MYO7B: variants seen among roughly 807,000 people sequenced by gnomAD.
MYO7B encodes the protein unconventional myosin-VIIb.
In MYO7B, 212 loss-of-function variants were observed where a neutral mutation model predicts 259.7. The observed-to-expected ratio is 0.82, with a 90% CI of 0.73 to 0.91. The LOEUF (loss-of-function observed/expected upper bound fraction) is 0.91. Among genes scored for constraint, MYO7B ranks in the 40% least tolerant of loss-of-function variants. The pLI is 0.00. For missense variants in MYO7B, 2,732 were observed against 2,813.5 expected (o/e 0.97, Z 0.66); for synonymous variants, 1,197 against 1,166.4 (o/e 1.03, Z -0.54).
chr2:127,576,593 A>T lies in MYO7B; in HGVS notation c.736-2A>T, dbSNP rs1573642948. ...GTCTGGAATGCCCTCCCTCCCTCCC[A>T]GGCTCCCGAGGAGCGGAACTACCAT... On this transcript the variant is annotated splice_acceptor_variant, in intron 7 of 47. Coordinates refer to ENST00000409816, the MANE Select transcript of MYO7B (RefSeq NM_001393586.1). LOFTEE classifies it high-confidence loss of function. The surrounding 1 kb of genome is among the most constrained non-coding windows in gnomAD (Gnocchi z 4.9). 1 of 1,538,340 alleles carries T rather than the reference A, an allele frequency of 6.5e-7. No homozygotes were observed. The highest frequency in any genetic ancestry group is 1.1e-5 in the South Asian group (1 of 87,964).
intron 3 of MYO7B, 93 bp from the exon 4 acceptor site, chr2:127,565,140 A>G: frequency 6.7e-7 from 1 of 1,484,674 alleles, no homozygotes; most frequent in African/African-American, 1.4e-5. Flanking sequence ...CCGGAAGGTC[A>G]CCTTGCTGCT....
At chr2:127,578,098 G>C in intron 8 of MYO7B, 35 bp from the exon 9 acceptor site, 1 of 1,611,018 alleles carries the variant, frequency 6.2e-7, no homozygotes, top group East Asian at 2.2e-5. Flanking sequence ...TGGGGCAGGG[G>C]ATGGCCCCAT....
At position 127,559,610 on chromosome 2, in the gene MYO7B, G is replaced by T; in HGVS notation, c.-23-90G>T. On this transcript the variant is annotated intron_variant, in intron 1 of 47. Transcript: ENST00000409816. The surrounding 1 kb of genome is among the most constrained non-coding windows in gnomAD (Gnocchi z 4.1). ...GGTCCCATGCCGGGCACTTAGGGAA[G>T]TGTTGGTGAACAAGCCCAGCTCCTG... is the stretch of plus-strand genomic sequence containing the variant. The T allele has an allele frequency of 1.7e-6, 2 of 1,186,258 alleles. No homozygotes were observed. Among genetic ancestry groups the T allele is most frequent in the Non-Finnish European group, 2.5e-6 (2 of 794,008 alleles). The allele number at this position is 1,186,258 out of a possible 1,614,324, so 73.5% of individuals were successfully genotyped here. A position where few individuals can be genotyped will look rare whatever the true frequency, so the allele number is the denominator to read the frequency against.
Position 127,631,755 on chromosome 2 carries a change from T to A in MYO7B, c.5249+2T>A. The A allele has an allele frequency of 6.2e-7, 1 of 1,611,996 alleles. No individual in the cohort carries two copies. Among genetic ancestry groups the A allele is most frequent in the Non-Finnish European group, 8.5e-7 (1 of 1,179,448 alleles). On this transcript the variant is annotated splice_donor_variant, in intron 38 of 47. Coordinates refer to ENST00000409816, the MANE Select transcript of MYO7B (RefSeq NM_001393586.1). LOFTEE classifies it high-confidence loss of function. ...GCAGCTGACGCACAACTCCAACAGGTCTGCTGGGGCGGCGGCCAGCCCACG... is the reference window on the plus strand; with the variant it reads ...GCAGCTGACGCACAACTCCAACAGGACTGCTGGGGCGGCGGCCAGCCCACG...
At chr2:127,634,712 G>A (rs748808297) in intron 42 of MYO7B, 29 bp downstream of exon 42, 155 of 1,587,114 alleles carry the variant, frequency 9.8e-5, no homozygotes, top group Non-Finnish European at 1.2e-4. Flanking sequence ...AGCTGGGGGA[G>A]GGCGTGGCTG....
At chr2:127,565,016 C>T (rs951343104) in intron 3 of MYO7B, among the ~76,000 whole-genome samples, 9 of 152,240 alleles carry the variant, frequency 5.9e-5, no homozygotes, top group African/African-American at 2.2e-4. Context: ...GCCCTAGACC[C>T]ATGCTGACCC....
rs371856752 is a variant in MYO7B, at chr2:127,596,568, A to T, written c.2339+12A>T. Reference sequence around the variant, plus strand: ...GGCTACAGATACAGGTGCCGGCCCCACCCCAAGGCCCACCCAGCCTACTCC... The same window carrying T: ...GGCTACAGATACAGGTGCCGGCCCCTCCCCAAGGCCCACCCAGCCTACTCC... On this transcript the variant is annotated intron_variant, in intron 19 of 47. Coordinates refer to ENST00000409816, the MANE Select transcript of MYO7B (RefSeq NM_001393586.1). The T allele has an allele frequency of 1.7e-4, 264 of 1,556,434 alleles. No homozygotes were observed. The highest frequency in any genetic ancestry group is 1.5e-3 in the Middle Eastern group (8 of 5,438).
At chr2:127,635,301 C>T in intron 43 of MYO7B, 75 bp downstream of exon 43, 1 of 1,408,738 alleles carries the variant, frequency 7.1e-7, no homozygotes, top group Non-Finnish European at 9.8e-7. Flanking sequence ...CTGTAGAAGC[C>T]AGCAGGCCAG....
At position 127,582,256 on chromosome 2, in the gene MYO7B, C is replaced by T. The variant is rs74852479; in HGVS notation, c.1201-48C>T. On this transcript the variant is annotated intron_variant, in intron 11 of 47. Coordinates refer to ENST00000409816, the MANE Select transcript of MYO7B (RefSeq NM_001393586.1). ...TCCAGGTGAACTTGGAGGTAACCTC[C>T]GCCTGAGCCTCCAAGCCCAGGATTC... 3.6e-4 allele frequency: 571 copies of T among 1,601,808 alleles called. 11 individuals carry two copies. In the East Asian group the frequency reaches 0.011, roughly 31 times the overall value.
Position 127,625,352 on chromosome 2 carries a change from G to A in MYO7B, c.4048-16G>A. 6.5e-7 allele frequency: 1 copy of A among 1,533,440 alleles called. No individual in the cohort carries two copies. Among genetic ancestry groups the A allele is most frequent in the East Asian group, 2.4e-5 (1 of 41,346 alleles). 95.0% of individuals were successfully genotyped at this position (1,533,440 alleles called of 1,614,324 possible). A position where few individuals can be genotyped will look rare whatever the true frequency, so the allele number is the denominator to read the frequency against. The stretch of plus-strand genomic sequence containing the variant: ...ACTTGTCTCACTCGCCCCCGTGGGT[G>A]CCCTGGGCTGTGCAGGAGGAAGAGC... On this transcript the variant is annotated splice_polypyrimidine_tract_variant and intron_variant, in intron 30 of 47. Transcript: ENST00000409816.
intron 40 of MYO7B, among the ~76,000 whole-genome samples, chr2:127,633,917 A>C (rs903105537): frequency 6.6e-6 from 1 of 152,208 alleles, no homozygotes; most frequent in African/African-American, 2.4e-5. Flanking sequence ...CGGTAACAGG[A>C]AGTTCCCACA....
intron 1 of MYO7B, among the ~76,000 whole-genome samples, chr2:127,545,534 T>A (rs1693195005): frequency 6.6e-6 from 1 of 152,270 alleles, no homozygotes; most frequent in South Asian, 2.1e-4. Context: ...ATGAAATAAC[T>A]TGGGTGAAGC....
rs1170862012 is a variant in MYO7B at position 127,634,275 on chromosome 2, A to C, written c.5611A>C (p.Lys1871Gln). The C allele has an allele frequency of 6.3e-7, 1 of 1,582,334 alleles. No individual in the cohort carries two copies. Among genetic ancestry groups the C allele is most frequent in the African/African-American group, 1.4e-5 (1 of 73,220 alleles). Residue 1871 changes from lysine (K) to glutamine (Q), a missense_variant, in exon 41 of 48, where the codon AAG becomes CAG. Physicochemically the swap from Lys to Gln is moderately conservative, Grantham distance 53. Coordinates refer to ENST00000409816, the MANE Select transcript of MYO7B (RefSeq NM_001393586.1). ...CTGGGAGGGCTGCAGCCTCTTCATC[A>C]AGATTTCAGACAAGGTGGGCCGGGC... ...ASWEGCSLFI[K>Q]ISDKVISQKE... is the part of the protein sequence containing the mutation.
intron 12 of MYO7B, 27 bp downstream of exon 12, chr2:127,582,473 A>G (rs1679141641): frequency 1.2e-6 from 2 of 1,608,922 alleles, no homozygotes; most frequent in Non-Finnish European, 1.7e-6. Flanking sequence ...TCCCAGCCCC[A>G]CTGCTTCCAG....
chr2:127,620,332 T>A lies in MYO7B; in HGVS notation c.3399-8T>A. On this transcript the variant is annotated splice_region_variant and splice_polypyrimidine_tract_variant and intron_variant, in intron 26 of 47. Transcript: ENST00000409816. Reference sequence around the variant, plus strand: ...CAGCCTACTCTCCTAATGGTCTGTGTCTTTCAGGGATGAGATTTACTGCCA... The same window carrying A: ...CAGCCTACTCTCCTAATGGTCTGTGACTTTCAGGGATGAGATTTACTGCCA... 1.2e-6 allele frequency: 2 copies of A among 1,610,436 alleles called. No homozygotes were observed. Among genetic ancestry groups the A allele is most frequent in the Non-Finnish European group, 1.7e-6 (2 of 1,177,568 alleles).
At chr2:127,606,182 G>C (rs763734678) in intron 20 of MYO7B, among the ~76,000 whole-genome samples, 5 of 152,232 alleles carry the variant, frequency 3.3e-5, no homozygotes, top group Non-Finnish European at 5.9e-5. Context: ...CTCAGAGCTA[G>C]ACTAGGTGTC....
chr2:127,538,201 A>G (rs1558786204), intron 1 of MYO7B, among the ~76,000 whole-genome samples: 2 of 152,132 alleles, frequency 1.3e-5, no homozygotes, highest in Non-Finnish European at 2.9e-5. Context: ...CTGCAAAGAT[A>G]CAGAGCAAAG....
intron 1 of MYO7B, among the ~76,000 whole-genome samples, chr2:127,544,872 G>T (rs1435773296): frequency 6.8e-6 from 1 of 146,524 alleles, no homozygotes; most frequent in African/African-American, 2.6e-5. Context: ...GAGACACCGC[G>T]CCCGGCCACG....
chr2:127,563,748 C>T (rs1678203319), intron 2 of MYO7B, among the ~76,000 whole-genome samples: 1 of 152,208 alleles, frequency 6.6e-6, no homozygotes, highest in African/African-American at 2.4e-5. Flanking sequence ...TCTCATCCTC[C>T]TATTGCTTGT....
Sources: gnomAD v4.1 joint callset for allele counts (sites outside exome capture counted in the v4.1 genomes callset) on GRCh38, gnomAD v4.1.1 for gene constraint, Gnocchi (gnomAD v3.1) non-coding constraint, MANE v1.5 for transcripts, NCBI Gene and HGNC (gene_info 2026-07-23, HGNC 2026-07-21) for gene names.